Variants in LIX1L observed in about 807,000 individuals in gnomAD.
LIX1L encodes the protein limb and CNS expressed 1 like.
A neutral mutation model predicts 34.0 loss-of-function variants in LIX1L; 20 were observed. That is an observed-to-expected ratio of 0.59 (90% CI 0.41 to 0.85). The LOEUF (loss-of-function observed/expected upper bound fraction) is 0.85. Ranked by LOEUF, LIX1L falls within the 40% of genes least tolerant of loss-of-function variation. The pLI, the probability that LIX1L is intolerant of heterozygous loss-of-function variation, is 0.00. For missense variants in LIX1L, 397 were observed against 447.0 expected (o/e 0.89, Z 1.01); for synonymous variants, 170 against 187.4 (o/e 0.91, Z 0.76).
intron 3 of LIX1L, among the ~76,000 whole-genome samples, chr1:145,941,557 A>T (rs1648918153): frequency 1.3e-5 from 2 of 152,054 alleles, no homozygotes; most frequent in South Asian, 4.2e-4. Context: ...CTGGCCTGTA[A>T]TTACATCTTA....
chr1:145,948,489 T>A lies in LIX1L; in HGVS notation c.293-707A>T, dbSNP rs1306364464. Among the ~76,000 whole-genome samples, 3 of 152,218 alleles carry A rather than the reference T, an allele frequency of 2.0e-5. No homozygotes were observed. Among genetic ancestry groups the A allele is most frequent in the Non-Finnish European group, 4.4e-5 (3 of 68,032 alleles). On this transcript the variant is annotated intron_variant, in intron 1 of 5. Coordinates refer to ENST00000604000, the MANE Select transcript of LIX1L (RefSeq NM_153713.3). The surrounding 1 kb of genome is among the most constrained non-coding windows in gnomAD (Gnocchi z 4.0). ...ATAACCATTCTCGAGCCTGTGCTTC[T>A]AGTGAGCACATCCATTGCCAGATTC... is the stretch of plus-strand genomic sequence containing the variant.
chr1:145,944,884 C>G (rs1290883307), intron 2 of LIX1L, among the ~76,000 whole-genome samples: 1 of 151,882 alleles, frequency 6.6e-6, no homozygotes, highest in African/African-American at 2.4e-5. Flanking sequence ...AAAAATTAGC[C>G]AGGCATGGTG....
intron 2 of LIX1L, among the ~76,000 whole-genome samples, chr1:145,946,110 C>CA (rs1208711016): frequency 2.9e-4 from 42 of 144,356 alleles, no homozygotes; most frequent in African/African-American, 1.1e-3. Flanking sequence ...TCTCAAAAAA[C>CA]AAAAAAACAA....
Position 145,937,159 on chromosome 1 carries a change from TTTATTTATTTATTTAC to T in LIX1L, c.694-190_694-175del, listed in dbSNP as rs1358462438. 1.1e-3 allele frequency among the ~76,000 whole-genome samples: 160 copies of T among 149,828 alleles called. 1 individual carries two copies. Among genetic ancestry groups the T allele is most frequent in the Non-Finnish European group, 1.5e-3 (101 of 67,622 alleles). On this transcript the variant is annotated intron_variant, in intron 4 of 5. Coordinates refer to ENST00000604000, the MANE Select transcript of LIX1L (RefSeq NM_153713.3). ...ATTTATTTATTTATTTATTTATTTATTTATTTATTTATTTACTTACTTACTTACTTATTTGAGACAG... is the reference window on the plus strand; with the variant it reads ...ATTTATTTATTTATTTATTTATTTATTTACTTACTTACTTATTTGAGACAG...
chr1:145,945,810 G>A (rs983973074), intron 2 of LIX1L, among the ~76,000 whole-genome samples: 5 of 149,194 alleles, frequency 3.4e-5, no homozygotes, highest in African/African-American at 1.2e-4. Flanking sequence ...AGCACAGGCT[G>A]GGCGCAGTGG....
chr1:145,948,476 G>A lies in LIX1L; in HGVS notation c.293-694C>T, dbSNP rs1050342496. On this transcript the variant is annotated intron_variant, in intron 1 of 5. Transcript: ENST00000604000. This position sits in a 1 kb window ranked among gnomAD's most constrained non-coding sequence, Gnocchi z 4.0. ...AAATATAGCCCTAATAACCATTCTC[G>A]AGCCTGTGCTTCTAGTGAGCACATC... is the stretch of plus-strand genomic sequence containing the variant. 3.3e-5 allele frequency among the ~76,000 whole-genome samples: 5 copies of A among 152,026 alleles called. No individual in the cohort carries two copies. In the East Asian group the frequency reaches 7.7e-4, roughly 23 times the overall value.
At chr1:145,947,387 A>G (rs1353450342) in intron 2 of LIX1L, 2 of 518,922 alleles carry the variant, frequency 3.9e-6, no homozygotes, top group Non-Finnish European at 6.9e-6. Flanking sequence ...GAGCAAGGGG[A>G]TATTCATAAC....
At chr1:145,939,092 C>T (rs587755379) in intron 3 of LIX1L, among the ~76,000 whole-genome samples, 1 of 151,890 alleles carries the variant, frequency 6.6e-6, no homozygotes, top group South Asian at 2.1e-4. Context: ...ATCCTCTTGC[C>T]TCAGCCTCCC....
chr1:145,945,050 G>A (rs2101900352), intron 2 of LIX1L, among the ~76,000 whole-genome samples: 1 of 150,124 alleles, frequency 6.7e-6, no homozygotes, highest in East Asian at 1.9e-4. Context: ...AAAAAAAAAA[G>A]CTGGGTGAAG....
chr1:145,942,571 A>T, intron 3 of LIX1L, 142 bp downstream of exon 3: 1 of 751,000 alleles, frequency 1.3e-6, no homozygotes, highest in Non-Finnish European at 2.2e-6. Flanking sequence ...CAATAGACTG[A>T]CAGAGAATAA....
At chr1:145,952,755 C>T (rs10910820) in intron 1 of LIX1L, among the ~76,000 whole-genome samples, 5,848 of 151,982 alleles carry the variant, frequency 0.038, 410 homozygotes, top group African/African-American at 0.13. Context: ...GGATTACAGG[C>T]GCACGCCACC....
intron 3 of LIX1L, among the ~76,000 whole-genome samples, chr1:145,938,990 T>C (rs1553758212): frequency 6.6e-6 from 1 of 151,762 alleles, no homozygotes; most frequent in Non-Finnish European, 1.5e-5. Flanking sequence ...TACTTTTTTT[T>C]TTTTTTTTGA....
At position 145,957,659 on chromosome 1, in the gene LIX1L, T is replaced by C. The variant is rs1649527069; in HGVS notation, c.269A>G (p.Lys90Arg). 1.3e-6 allele frequency: 2 copies of C among 1,542,636 alleles called. No homozygotes were observed. Among genetic ancestry groups the C allele is most frequent in the Non-Finnish European group, 1.7e-6 (2 of 1,150,020 alleles). Residue 90 changes from lysine to arginine, a missense_variant, in exon 1 of 6, where the codon AAG becomes AGG. This residue lies in a region of LIX1L where 207 missense variants were observed against 205.2 expected (regional missense o/e 1.01). Coordinates refer to ENST00000604000, the MANE Select transcript of LIX1L (RefSeq NM_153713.3). The part of the protein sequence containing the change: ...AVEAVVRSFA[K>R]HTQGYGRVNV... ...ACCTCGGCCATAGCCCTGCGTGTGC[T>C]TGGCGAAGCTCCTCACCACGGCCTC...
intron 2 of LIX1L, among the ~76,000 whole-genome samples, chr1:145,945,544 C>T (rs905021869): frequency 2.0e-5 from 3 of 150,350 alleles, no homozygotes; most frequent in Admixed American, 6.6e-5. Context: ...GTCAGGAGTT[C>T]GAGACCAGCC....
At chr1:145,944,075 G>C (rs1649017600) in intron 2 of LIX1L, among the ~76,000 whole-genome samples, 1 of 151,604 alleles carries the variant, frequency 6.6e-6, no homozygotes, top group African/African-American at 2.4e-5. Context: ...GTAGACCAGG[G>C]GTTGGGCATG....
intron 3 of LIX1L, chr1:145,939,946 A>G (rs1553758390): frequency 6.6e-6 from 1 of 151,876 alleles, no homozygotes; most frequent in African/African-American, 2.4e-5. Context: ...GCCTAGAACC[A>G]TAATTTCAAT....
chr1:145,946,882 A>G (rs1263658724), intron 2 of LIX1L, among the ~76,000 whole-genome samples: 1 of 152,178 alleles, frequency 6.6e-6, no homozygotes, highest in East Asian at 1.9e-4. Context: ...ATTCCATTTG[A>G]GACTTTTAAG....
chr1:145,957,485 G>A, intron 1 of LIX1L, 151 bp downstream of exon 1: 1 of 1,119,188 alleles, frequency 8.9e-7, no homozygotes, highest in Non-Finnish European at 1.2e-6. Context: ...GTATGAGTGT[G>A]TGCGTCTGTG....
Position 145,936,559 on chromosome 1 carries a change from G to A in LIX1L, c.772-7C>T, listed in dbSNP as rs1201055632. 15 of 1,613,856 alleles carry A rather than the reference G, an allele frequency of 9.3e-6. No individual in the cohort carries two copies. The highest frequency in any genetic ancestry group is 1.3e-5 in the African/African-American group (1 of 74,870). On this transcript the variant is annotated splice_region_variant and splice_polypyrimidine_tract_variant and intron_variant, in intron 5 of 5. Transcript: ENST00000604000. ...AATAATGAGCCAACACCTCCTAGTA[G>A]GGGAGGGGAATGTGAACATCATTGA...
Sources: gnomAD v4.1 joint callset for allele counts (sites outside exome capture counted in the v4.1 genomes callset) on GRCh38, gnomAD v4.1.1 for gene constraint, gnomAD v4.1.1 regional missense constraint, Gnocchi (gnomAD v3.1) non-coding constraint, MANE v1.5 for transcripts, NCBI Gene and HGNC (gene_info 2026-07-23, HGNC 2026-07-21) for gene names.